NTM: variants seen among roughly 807,000 people sequenced by gnomAD.
The protein encoded by NTM is neurotrimin, also known as IgLON family member 2.
In NTM, 13 loss-of-function variants were observed where a neutral mutation model predicts 42.1. That is an observed-to-expected ratio of 0.31 (90% CI 0.20 to 0.49). NTM has a LOEUF of 0.49. Ranked by LOEUF, NTM falls within the 20% of genes least tolerant of loss-of-function variation. NTM has a pLI of 0.99. For synonymous variants in NTM, 187 were observed against 179.2 expected (o/e 1.04, Z -0.35); for missense variants, 373 against 452.8 (o/e 0.82, Z 1.60).
intron 2 of NTM, among the ~76,000 whole-genome samples, chr11:131,935,608 G>A (rs1303057685): frequency 6.6e-6 from 1 of 152,142 alleles, no homozygotes; most frequent in Non-Finnish European, 1.5e-5. Flanking sequence ...AGGTGGGGGA[G>A]GGAAGGGGAG....
At chr11:131,834,304 C>T (rs963248705) in intron 1 of NTM, among the ~76,000 whole-genome samples, 2 of 152,142 alleles carry the variant, frequency 1.3e-5, no homozygotes, top group African/African-American at 4.8e-5. Flanking sequence ...CCACTCCCTT[C>T]CACATCTATG....
At chr11:131,464,995 C>A (rs1387133502) in intron 1 of NTM, among the ~76,000 whole-genome samples, 1 of 152,192 alleles carries the variant, frequency 6.6e-6, no homozygotes, top group African/African-American at 2.4e-5. Flanking sequence ...CACATGTAAA[C>A]ACACACGTTT....
intron 1 of NTM, among the ~76,000 whole-genome samples, chr11:131,756,281 T>C (rs2083318251): frequency 6.6e-6 from 1 of 152,084 alleles, no homozygotes; most frequent in Admixed American, 6.5e-5. Context: ...TTGGAAGGGA[T>C]CTCCTCTTGT....
At chr11:131,900,065 T>A (rs1248281346) in intron 1 of NTM, among the ~76,000 whole-genome samples, 1 of 151,926 alleles carries the variant, frequency 6.6e-6, no homozygotes, top group Non-Finnish European at 1.5e-5. Flanking sequence ...GTATTCTGAG[T>A]GTTATGCGAG....
chr11:131,684,388 C>T (rs2073515329), intron 1 of NTM, among the ~76,000 whole-genome samples: 2 of 152,292 alleles, frequency 1.3e-5, no homozygotes, highest in South Asian at 4.1e-4. Flanking sequence ...AGGCAGTTCC[C>T]CCACACTCCC....
intron 1 of NTM, among the ~76,000 whole-genome samples, chr11:131,736,108 C>T (rs1459411733): frequency 6.6e-6 from 1 of 152,122 alleles, no homozygotes; most frequent in East Asian, 1.9e-4. Context: ...GCTGAGATTA[C>T]AGGTGTGAGC....
At chr11:131,380,127 A>C (rs895700615) in intron 1 of NTM, among the ~76,000 whole-genome samples, 3 of 151,956 alleles carry the variant, frequency 2.0e-5, no homozygotes, top group Non-Finnish European at 4.4e-5. Context: ...GCTTATGCTC[A>C]GGCCCTACCC....
chr11:132,134,374 G>A (rs1345126757), intron 2 of NTM, among the ~76,000 whole-genome samples: 1 of 151,752 alleles, frequency 6.6e-6, no homozygotes, highest in Non-Finnish European at 1.5e-5. Flanking sequence ...ATGGCATTTG[G>A]TTACGTGAAT....
intron 1 of NTM, among the ~76,000 whole-genome samples, chr11:131,603,076 G>A (rs1448786751): frequency 6.6e-6 from 1 of 152,164 alleles, no homozygotes; most frequent in East Asian, 1.9e-4. Context: ...AATTGTGATA[G>A]TGTCACTCCT....
intron 4 of NTM, among the ~76,000 whole-genome samples, chr11:132,256,148 T>C (rs1231103984): frequency 6.6e-6 from 1 of 152,192 alleles, no homozygotes; most frequent in African/African-American, 2.4e-5. Context: ...CATTCACTTC[T>C]CTCTTGCACA....
intron 1 of NTM, among the ~76,000 whole-genome samples, chr11:131,451,992 C>T (rs552394803): frequency 3.3e-5 from 5 of 152,296 alleles, no homozygotes; most frequent in African/African-American, 9.6e-5. Context: ...TCCCGCTCTC[C>T]GATGACCCTG....
intron 1 of NTM, among the ~76,000 whole-genome samples, chr11:131,574,111 G>A (rs1000775320): frequency 2.6e-5 from 4 of 152,192 alleles, no homozygotes; most frequent in African/African-American, 9.7e-5. Context: ...TGGTGTCTGG[G>A]GAGGGTTGAT....
intron 1 of NTM, chr11:131,503,094 T>A (rs1174167137): frequency 6.6e-6 from 1 of 152,364 alleles, no homozygotes; most frequent in Non-Finnish European, 1.5e-5. Flanking sequence ...GTTGCCTCTT[T>A]ATCTCCAGAT....
chr11:131,775,593 G>A (rs1274682840), intron 1 of NTM, among the ~76,000 whole-genome samples: 1 of 152,062 alleles, frequency 6.6e-6, no homozygotes, highest in African/African-American at 2.4e-5. Flanking sequence ...AGTCATTTAG[G>A]GAACATCTCT....
At chr11:131,709,636 CT>C (rs2076920266) in intron 1 of NTM, among the ~76,000 whole-genome samples, 1 of 152,222 alleles carries the variant, frequency 6.6e-6, no homozygotes, top group Non-Finnish European at 1.5e-5. Flanking sequence ...GACATGTTAA[CT>C]TCAAGATGTC....
At chr11:131,574,722 G>A (rs535611173) in intron 1 of NTM, among the ~76,000 whole-genome samples, 4 of 152,140 alleles carry the variant, frequency 2.6e-5, no homozygotes, top group African/African-American at 9.7e-5. Flanking sequence ...AGGAAGAGGT[G>A]TGGCCTACAC....
In NTM at chr11:131,989,478, C is replaced by T. The variant is rs192005205; in HGVS notation, c.167+77830C>T. On this transcript the variant is annotated intron_variant, in intron 2 of 8. Transcript: ENST00000683400. ...ACTCATAGGAATTATTCACTTAACT[C>T]GCGGGATCAGAAAAATGCCAATGTA... Among the ~76,000 whole-genome samples, 455 of 152,188 alleles carry T rather than the reference C, an allele frequency of 3.0e-3. 5 individuals carry two copies. The highest frequency in any genetic ancestry group is 0.01 in the African/African-American group (420 of 41,536).
chr11:131,772,435 T>C (rs1380042379), intron 1 of NTM, among the ~76,000 whole-genome samples: 1 of 152,152 alleles, frequency 6.6e-6, no homozygotes, highest in East Asian at 1.9e-4. Flanking sequence ...CCTAATCAGG[T>C]CAACCCTGTT....
chr11:131,504,458 G>A (rs7114805), intron 1 of NTM, among the ~76,000 whole-genome samples: 12,266 of 152,144 alleles, frequency 0.081, 1,665 homozygotes, highest in African/African-American at 0.28. Context: ...TGGCTTTCCC[G>A]GATCGAATTT....
Sources: gnomAD v4.1 joint callset for allele counts (sites outside exome capture counted in the v4.1 genomes callset) on GRCh38, gnomAD v4.1.1 for gene constraint, MANE v1.5 for transcripts, NCBI Gene and HGNC (gene_info 2026-07-23, HGNC 2026-07-21) for gene names.